The following NAALADL2 variants were observed in gnomAD, a reference collection of about 807,000 sequenced individuals.
The protein encoded by NAALADL2 is inactive N-acetylated-alpha-linked acidic dipeptidase-like protein 2.
In NAALADL2, 76 loss-of-function variants were observed where a neutral mutation model predicts 87.2. The ratio of observed to expected loss-of-function variants is 0.87; its 90% CI spans 0.72 to 1.05. The LOEUF (loss-of-function observed/expected upper bound fraction) is 1.05, where lower values mean the gene tolerates loss of function less well. Among genes scored for constraint, NAALADL2 ranks in the 50% least tolerant of loss-of-function variants. The pLI, the probability that NAALADL2 is intolerant of heterozygous loss-of-function variation, is 0.00. For missense variants in NAALADL2, 1,089 were observed against 945.8 expected, an observed-to-expected ratio of 1.15 and a Z score of -1.99; for synonymous variants, 354 against 331.0, an observed-to-expected ratio of 1.07 and a Z score of -0.75.
intron 1 of NAALADL2, among the ~76,000 whole-genome samples, chr3:174,950,176 G>A (rs55773818): frequency 0.07 from 10,551 of 151,772 alleles, 548 homozygotes; most frequent in African/African-American, 0.15. Flanking sequence ...AACTTTGGTC[G>A]CCCCCAGATC....
In NAALADL2 at chr3:174,943,521, GCTCTGGGGCAAT is replaced by G. The variant is rs780601806; in HGVS notation, c.43+84075_43+84086del. On this transcript the variant is annotated intron_variant, in intron 1 of 13. Coordinates refer to ENST00000454872, the MANE Select transcript of NAALADL2 (RefSeq NM_207015.3). ...TGGCACTTCTGGGATGTCCACTGCAGCTCTGGGGCAATCTCAGTGTTTATGTTCCTTCCCCAA... is the reference window on the plus strand; with the variant it reads ...TGGCACTTCTGGGATGTCCACTGCAGCTCAGTGTTTATGTTCCTTCCCCAA... Among the ~76,000 whole-genome samples, 14 of 152,328 alleles carry G rather than the reference GCTCTGGGGCAAT, an allele frequency of 9.2e-5. No homozygotes were observed. The South Asian group carries it at 1.2e-3, about 14-fold the overall frequency.
intron 9 of NAALADL2, among the ~76,000 whole-genome samples, chr3:175,547,155 G>A (rs1300571325): frequency 6.6e-6 from 1 of 151,970 alleles, no homozygotes; most frequent in Non-Finnish European, 1.5e-5. Context: ...ATCACTACCT[G>A]ATTTCAAATA....
intron 4 of NAALADL2, among the ~76,000 whole-genome samples, chr3:175,316,925 A>G (rs963653650): frequency 2.0e-5 from 3 of 152,156 alleles, no homozygotes; most frequent in Non-Finnish European, 4.4e-5. Flanking sequence ...GAGCACTATG[A>G]TGGCCAGTGA....
intron 1 of NAALADL2, among the ~76,000 whole-genome samples, chr3:174,509,365 A>C (rs900413866): frequency 6.7e-6 from 1 of 150,140 alleles, no homozygotes; most frequent in African/African-American, 2.4e-5. Context: ...GTGGGTGGAG[A>C]GAGAGAGAGA....
chr3:174,682,656 A>C (rs1001482883), intron 2 of NAALADL2, among the ~76,000 whole-genome samples: 1 of 152,236 alleles, frequency 6.6e-6, no homozygotes, highest in African/African-American at 2.4e-5. Context: ...AGGTGGTACT[A>C]TAAGTCTGCA....
intron 2 of NAALADL2, among the ~76,000 whole-genome samples, chr3:175,213,941 G>T (rs1469278668): frequency 1.3e-5 from 2 of 152,066 alleles, no homozygotes; most frequent in Non-Finnish European, 2.9e-5. Context: ...CTGTAAGAGG[G>T]AACTCCTATG....
intron 2 of NAALADL2, among the ~76,000 whole-genome samples, chr3:175,152,600 C>T (rs1731705292): frequency 1.3e-5 from 2 of 152,126 alleles, no homozygotes; most frequent in East Asian, 1.9e-4. Context: ...ACAATTGCTA[C>T]ATTATGTAGA....
At chr3:175,036,076 TA>T (rs1352124308) in intron 1 of NAALADL2, among the ~76,000 whole-genome samples, 1 of 152,232 alleles carries the variant, frequency 6.6e-6, no homozygotes, top group East Asian at 1.9e-4. Context: ...AAGCGTAATT[TA>T]TTTTTTACTT....
intron 3 of NAALADL2, among the ~76,000 whole-genome samples, chr3:174,841,083 AAAAG>A (rs999517942): frequency 4.1e-5 from 6 of 147,210 alleles, no homozygotes; most frequent in African/African-American, 1.6e-4. Flanking sequence ...GAGAAAAAAG[AAAAG>A]AAAGAAAAAT....
intron 9 of NAALADL2, among the ~76,000 whole-genome samples, chr3:175,572,294 A>G (rs1299854553): frequency 3.3e-5 from 5 of 152,074 alleles, no homozygotes; most frequent in Non-Finnish European, 7.4e-5. Context: ...TCCCCTCTCC[A>G]TAAATAGTCC....
chr3:174,611,941 A>G (rs1326586006), intron 2 of NAALADL2, among the ~76,000 whole-genome samples: 5 of 147,826 alleles, frequency 3.4e-5, no homozygotes, highest in African/African-American at 1.0e-4. Flanking sequence ...TTTTTTCTTG[A>G]CGTGCTCCCT....
At chr3:174,690,408 A>C (rs114335951) in intron 2 of NAALADL2, among the ~76,000 whole-genome samples, 2,574 of 152,216 alleles carry the variant, frequency 0.017, 67 homozygotes, top group African/African-American at 0.059. Context: ...GTCTGGATAC[A>C]TTGTTGTTGT....
Position 175,466,970 on chromosome 3 carries a change from T to C in NAALADL2, c.1328-9T>C. On this transcript the variant is annotated splice_polypyrimidine_tract_variant and intron_variant, in intron 7 of 13. Coordinates refer to ENST00000454872, the MANE Select transcript of NAALADL2 (RefSeq NM_207015.3). ...TTTTTAAATGGCTCTTGTCCCTTTC[T>C]ATTTTCAGACCGGTATATCATAGTT... is the stretch of plus-strand genomic sequence containing the variant. The C allele has an allele frequency of 6.2e-7, 1 of 1,604,976 alleles. No individual in the cohort carries two copies. Among genetic ancestry groups the C allele is most frequent in the Non-Finnish European group, 8.5e-7 (1 of 1,172,010 alleles).
chr3:175,470,504 A>G (rs1430796158), intron 8 of NAALADL2, among the ~76,000 whole-genome samples: 1 of 152,174 alleles, frequency 6.6e-6, no homozygotes, highest in Admixed American at 6.5e-5. Flanking sequence ...CAATGAAAAA[A>G]ATAAAAATAA....
intron 2 of NAALADL2, among the ~76,000 whole-genome samples, chr3:174,683,629 G>GGTGTGTGT (rs10522220): frequency 2.0e-5 from 3 of 146,936 alleles, no homozygotes; most frequent in African/African-American, 2.5e-5. Flanking sequence ...CAGAACTTCT[G>GGTGTGTGT]GTGTGTGTGT....
At chr3:175,423,051 A>ATATATTTTTT (rs1458599872) in intron 5 of NAALADL2, among the ~76,000 whole-genome samples, 5 of 91,506 alleles carry the variant, frequency 5.5e-5, no homozygotes, top group South Asian at 4.3e-4. Flanking sequence ...ATATATATAT[A>ATATATTTTTT]TTTTTTTTTT....
rs146269864 is a variant in NAALADL2, at chr3:174,458,810, AAT to A, written c.-184+17780_-184+17781del. Among the ~76,000 whole-genome samples the A allele has an allele frequency of 4.7e-4, 71 of 152,326 alleles. 1 individual carries two copies. In the East Asian group the frequency reaches 0.013, roughly 28 times the overall value. Reference sequence around the variant, plus strand: ...TGAAACCAAACCTAATAGCCCAATGAATAAGGCTGATTGCAATTAGCCTTTTA... The same window carrying A: ...TGAAACCAAACCTAATAGCCCAATGAAAGGCTGATTGCAATTAGCCTTTTA... On this transcript the variant is annotated intron_variant, in intron 1 of 3. Transcript: ENST00000434257.
chr3:174,805,651 A>G (rs1044106901), intron 3 of NAALADL2, among the ~76,000 whole-genome samples: 25 of 152,254 alleles, frequency 1.6e-4, no homozygotes, highest in African/African-American at 4.6e-4. Flanking sequence ...AATTTTCCTT[A>G]GGAATTTTGT....
intron 3 of NAALADL2, among the ~76,000 whole-genome samples, chr3:175,243,531 CTTTTTTTTTTTTT>C (rs3066298): frequency 0.01 from 879 of 85,618 alleles, 13 homozygotes; most frequent in African/African-American, 0.036. Flanking sequence ...CACATCAGGA[CTTTTTTTTTTTTT>C]TTTTTTTTTT....
Sources: gnomAD v4.1 joint callset for allele counts (sites outside exome capture counted in the v4.1 genomes callset) on GRCh38, gnomAD v4.1.1 for gene constraint, MANE v1.5 for transcripts, NCBI Gene and HGNC (gene_info 2026-07-23, HGNC 2026-07-21) for gene names.